The following SGCD variants were observed in gnomAD, a reference collection of about 807,000 sequenced individuals.
The protein encoded by SGCD is sarcoglycan delta, also known as delta-sarcoglycan.
SGCD carries 18 observed loss-of-function variants against 36.6 expected under a neutral mutation model. That is an observed-to-expected ratio of 0.49 (90% CI 0.34 to 0.73). SGCD has a LOEUF of 0.73. Ranked by LOEUF, SGCD falls within the 30% of genes least tolerant of loss-of-function variation. The pLI, the probability that SGCD is intolerant of heterozygous loss-of-function variation, is 0.01. For synonymous variants in SGCD, 133 were observed against 130.6 expected (o/e 1.02, Z -0.12); for missense variants, 387 against 346.7 (o/e 1.12, Z -0.92).
chr5:156,557,609 A>G (rs1431848951), intron 4 of SGCD, among the ~76,000 whole-genome samples: 1 of 152,168 alleles, frequency 6.6e-6, no homozygotes, highest in Admixed American at 6.6e-5. Flanking sequence ...AGAATTGCCT[A>G]CACCTATACT....
At chr5:156,528,143 G>A (rs1350642949) in intron 4 of SGCD, among the ~76,000 whole-genome samples, 1 of 152,140 alleles carries the variant, frequency 6.6e-6, no homozygotes, top group Non-Finnish European at 1.5e-5. Flanking sequence ...GCAGGATCTG[G>A]AATACCAACT....
chr5:156,377,859 T>C (rs1770754904), intron 3 of SGCD, among the ~76,000 whole-genome samples: 1 of 152,226 alleles, frequency 6.6e-6, no homozygotes, highest in South Asian at 2.1e-4. Context: ...AAATCTCTGG[T>C]ATGAGAAAAA....
chr5:156,281,881 C>A (rs144362525), intron 3 of SGCD, among the ~76,000 whole-genome samples: 49 of 152,190 alleles, frequency 3.2e-4, no homozygotes, highest in Middle Eastern at 3.4e-3. Context: ...TATAGTAACT[C>A]CAAGAGTTCC....
At chr5:156,207,166 T>A (rs1182787645) in intron 3 of SGCD, among the ~76,000 whole-genome samples, 1 of 152,060 alleles carries the variant, frequency 6.6e-6, no homozygotes, top group Non-Finnish European at 1.5e-5. Flanking sequence ...ATCAGCTGTG[T>A]GGGAGGGTAT....
the SGCD span, among the ~76,000 whole-genome samples, chr5:155,740,579 T>A: frequency 1.3e-5 from 2 of 152,200 alleles, no homozygotes; most frequent in African/African-American, 4.8e-5. Flanking sequence ...TCTTAGCTCA[T>A]CAAGGCTGTG....
At chr5:156,574,290 A>G (rs570131756) in intron 4 of SGCD, among the ~76,000 whole-genome samples, 30 of 152,334 alleles carry the variant, frequency 2.0e-4, no homozygotes, top group Admixed American at 1.6e-3. Flanking sequence ...AGTTTGATGG[A>G]GCTGACAGAG....
chr5:156,487,669 T>C (rs904182986), intron 3 of SGCD, among the ~76,000 whole-genome samples: 13 of 150,602 alleles, frequency 8.6e-5, no homozygotes, highest in African/African-American at 3.2e-4. Context: ...GTGCCTATAA[T>C]CCCAGCTATT....
At chr5:155,786,732 G>A in the SGCD span, among the ~76,000 whole-genome samples, 7,232 of 152,188 alleles carry the variant, frequency 0.048, 225 homozygotes, top group Middle Eastern at 0.14. Context: ...AAGCTTAAGC[G>A]TTCCTTAATT....
At position 156,765,877 on chromosome 5, in the gene SGCD, A is replaced by T. The variant is rs1757577730; in HGVS notation, c.*6487A>T. ...CTTCCTTGGTAGATGAAGCTATAGA[A>T]CTTCTATTTTCCCTGCTTTCTGTAG... On this transcript the variant is annotated 3_prime_UTR_variant, in exon 9 of 9. Coordinates refer to ENST00000337851, the MANE Select transcript of SGCD (RefSeq NM_000337.6). 6.6e-6 allele frequency: 1 copy of T among 152,170 alleles called. No individual in the cohort carries two copies. The allele number at this position is 152,170 out of a possible 1,614,324, so 9.4% of individuals were successfully genotyped here.
the SGCD span, among the ~76,000 whole-genome samples, chr5:155,809,258 T>C: frequency 6.6e-6 from 1 of 152,216 alleles, no homozygotes; most frequent in South Asian, 2.1e-4. Context: ...TTTTGGGAAT[T>C]GAGTGGTCAC....
intron 1 of SGCD, among the ~76,000 whole-genome samples, chr5:156,050,701 G>A (rs928394399): frequency 1.4e-5 from 2 of 146,556 alleles, no homozygotes; most frequent in African/African-American, 4.9e-5. Context: ...CTAAAATCAA[G>A]GTGTCAGCAG....
the SGCD span, among the ~76,000 whole-genome samples, chr5:155,820,830 C>T: frequency 6.6e-6 from 1 of 152,098 alleles, no homozygotes; most frequent in Non-Finnish European, 1.5e-5. Flanking sequence ...CAGAGAAATT[C>T]CTCTGTTGAA....
intron 3 of SGCD, among the ~76,000 whole-genome samples, chr5:156,430,138 C>G (rs904448858): frequency 6.6e-6 from 1 of 152,108 alleles, no homozygotes; most frequent in Non-Finnish European, 1.5e-5. Context: ...TTCTCTTCCT[C>G]AGGAACACCA....
At chr5:155,789,530 C>A in the SGCD span, among the ~76,000 whole-genome samples, 4 of 151,944 alleles carry the variant, frequency 2.6e-5, no homozygotes, top group African/African-American at 9.7e-5. Context: ...CCCTGATGAA[C>A]CTGCTTTAAT....
chr5:156,110,709 A>G (rs1018010156), intron 1 of SGCD, among the ~76,000 whole-genome samples: 3 of 152,178 alleles, frequency 2.0e-5, no homozygotes, highest in African/African-American at 4.8e-5. Flanking sequence ...TCAAATTAAT[A>G]TAATGATTTG....
chr5:156,754,531 A>G (rs1364683753), intron 7 of SGCD, among the ~76,000 whole-genome samples: 2 of 152,258 alleles, frequency 1.3e-5, no homozygotes, highest in African/African-American at 4.8e-5. Flanking sequence ...TCTTGAAGAA[A>G]GGATTACAGA....
the SGCD span, among the ~76,000 whole-genome samples, chr5:155,850,038 C>T: frequency 2.6e-5 from 4 of 152,134 alleles, no homozygotes; most frequent in South Asian, 8.3e-4. Flanking sequence ...TTGTTATTTG[C>T]TGTTTGTTTA....
chr5:156,533,120 A>G (rs1045141078), intron 4 of SGCD, among the ~76,000 whole-genome samples: 2 of 152,174 alleles, frequency 1.3e-5, no homozygotes, highest in South Asian at 4.2e-4. Flanking sequence ...TGCCAGTTTC[A>G]TGAAGAGGAG....
At chr5:156,047,101 C>T (rs755497702) in intron 1 of SGCD, among the ~76,000 whole-genome samples, 1 of 152,110 alleles carries the variant, frequency 6.6e-6, no homozygotes, top group Non-Finnish European at 1.5e-5. Context: ...TAACCCATAA[C>T]AAGGCCCTAA....
Sources: allele counts gnomAD v4.1 joint callset (sites outside exome capture counted in the v4.1 genomes callset), GRCh38; gene constraint gnomAD v4.1.1; transcripts MANE v1.5; gene names NCBI Gene and HGNC (gene_info 2026-07-23, HGNC 2026-07-21).